The following VTCN1 variants were observed in gnomAD, a reference collection of about 807,000 sequenced individuals.
The protein encoded by VTCN1 is V-set domain-containing T-cell activation inhibitor 1.
Under a neutral mutation model 26.5 loss-of-function variants are expected in VTCN1, and 26 were observed. The observed-to-expected ratio is 0.98, with a 90% CI of 0.72 to 1.36. The LOEUF (loss-of-function observed/expected upper bound fraction) is 1.36. Ranked by LOEUF, VTCN1 falls within the 40% of genes most tolerant of loss-of-function variation. VTCN1 has a pLI of 0.00. For missense variants in VTCN1, 298 were observed against 337.7 expected, an observed-to-expected ratio of 0.88 and a Z score of 0.92; for synonymous variants, 116 against 130.7, an observed-to-expected ratio of 0.89 and a Z score of 0.77.
chr1:117,187,181 C>T (rs953915990), intron 1 of VTCN1, among the ~76,000 whole-genome samples: 9 of 151,570 alleles, frequency 5.9e-5, no homozygotes, highest in African/African-American at 1.2e-4. Context: ...TGTGGTGGTG[C>T]GCACCTGCAG....
chr1:117,201,346 G>A (rs6428689), intron 1 of VTCN1, among the ~76,000 whole-genome samples: 1,946 of 152,256 alleles, frequency 0.013, 49 homozygotes, highest in African/African-American at 0.045. Flanking sequence ...CTGGCCTGCG[G>A]GAGGGAGTCC....
At position 117,178,259 on chromosome 1, in the gene VTCN1, C is replaced by CTT. The variant is rs1194911017; in HGVS notation, c.33-8090_33-8089dup. ...TTTTTGTTCTTTCTTTCTTTTTTTT[C>CTT]TTTTTTTTTTTTTTTGAGATGGAGT... On this transcript the variant is annotated intron_variant, in intron 1 of 5. Coordinates refer to ENST00000369458, the MANE Select transcript of VTCN1 (RefSeq NM_024626.4). 3.8e-4 allele frequency among the ~76,000 whole-genome samples: 41 copies of CTT among 108,340 alleles called. 4 individuals are homozygous for CTT. Among genetic ancestry groups the CTT allele is most frequent in the African/African-American group, 8.8e-4 (25 of 28,472 alleles). The allele number at this position is 108,340 out of a possible 152,430, so 71.1% of individuals were successfully genotyped here. A position where few individuals can be genotyped will look rare whatever the true frequency, so the allele number is the denominator to read the frequency against.
At position 117,161,267 on chromosome 1, in the gene VTCN1, A is replaced by G. The variant is rs977886692; in HGVS notation, c.98-4346T>C. Among the ~76,000 whole-genome samples the G allele has an allele frequency of 1.3e-5, 2 of 152,140 alleles. No individual in the cohort carries two copies. The highest frequency in any genetic ancestry group is 4.8e-5 in the African/African-American group (2 of 41,426). ...AGGCTAGCATGGGTTACACAATTACACTATGCGCCTTCACACTGCTGTTCA... is the reference window on the plus strand; with the variant it reads ...AGGCTAGCATGGGTTACACAATTACGCTATGCGCCTTCACACTGCTGTTCA... On this transcript the variant is annotated intron_variant, in intron 2 of 5. Coordinates refer to ENST00000369458, the MANE Select transcript of VTCN1 (RefSeq NM_024626.4). The surrounding 1 kb of genome is among the most constrained non-coding windows in gnomAD (Gnocchi z 4.3).
chr1:117,153,189 T>C lies in VTCN1; in HGVS notation c.626A>G (p.Lys209Arg), dbSNP rs374879522. 4 of 1,614,200 alleles carry C rather than the reference T, an allele frequency of 2.5e-6. No homozygotes were observed. The highest frequency in any genetic ancestry group is 3.4e-6 in the Non-Finnish European group (4 of 1,180,032). The change falls in exon 4 of 6, where the codon AAG (lysine) becomes AGG (arginine). Residue 209 changes from lysine (K) to arginine (R), a missense_variant. Physicochemically the swap from Lys to Arg is conservative, Grantham distance 26. Coordinates refer to ENST00000369458, the MANE Select transcript of VTCN1 (RefSeq NM_024626.4). ...FELNSENVTM[K>R]VVSVLYNVTI... ...AACATTGTAGAGCACAGACACAACC[T>C]TCATGGTCACATTCTCAGAGTTCAG... is the stretch of plus-strand genomic sequence containing the variant.
chr1:117,185,509 G>A (rs1647891767), intron 1 of VTCN1, among the ~76,000 whole-genome samples: 1 of 151,702 alleles, frequency 6.6e-6, no homozygotes, highest in Non-Finnish European at 1.5e-5. Context: ...CTTGGCCAAG[G>A]GCATTCCAAA....
rs781001957 is a variant in VTCN1, at chr1:117,170,334, G to C, written c.33-163C>G. The C allele has an allele frequency of 5.4e-6, 4 of 744,986 alleles. No homozygotes were observed. The South Asian group carries it at 5.4e-5, about 10-fold the overall frequency. The allele number at this position is 744,986 out of a possible 1,614,324, so 46.1% of individuals were successfully genotyped here. A position where few individuals can be genotyped will look rare whatever the true frequency, so the allele number is the denominator to read the frequency against. On this transcript the variant is annotated intron_variant, in intron 1 of 5. Coordinates refer to ENST00000369458, the MANE Select transcript of VTCN1 (RefSeq NM_024626.4). Reference sequence around the variant, plus strand: ...TCCTAGAAACGGGTACCTTAGAAAGGAATTTCAGCAATTCCATCCCCATCC... The same window carrying C: ...TCCTAGAAACGGGTACCTTAGAAAGCAATTTCAGCAATTCCATCCCCATCC...
intron 2 of VTCN1, among the ~76,000 whole-genome samples, chr1:117,162,189 G>C (rs1339068270): frequency 2.0e-5 from 3 of 152,098 alleles, no homozygotes; most frequent in African/African-American, 7.2e-5. Flanking sequence ...AGAAATAAGA[G>C]CCAGTGAGAA....
chr1:117,178,630 A>C (rs1054519160), intron 1 of VTCN1, among the ~76,000 whole-genome samples: 1 of 103,540 alleles, frequency 9.7e-6, no homozygotes, highest in Non-Finnish European at 1.8e-5. Context: ...GCCCGGCTCT[A>C]TTCCCCTGAC....
intron 2 of VTCN1, among the ~76,000 whole-genome samples, chr1:117,160,908 C>T (rs1222124926): frequency 6.6e-6 from 1 of 152,080 alleles, no homozygotes; most frequent in Non-Finnish European, 1.5e-5. Flanking sequence ...GATGGATTTG[C>T]AGCAGAAAGA....
chr1:117,193,810 A>G (rs1322646759), intron 1 of VTCN1, among the ~76,000 whole-genome samples: 2 of 152,184 alleles, frequency 1.3e-5, no homozygotes, highest in Non-Finnish European at 2.9e-5. Flanking sequence ...TGGGAAAACC[A>G]GAGTCCACAT....
chr1:117,203,799 G>A, intron 1 of VTCN1: 2 of 985,308 alleles, frequency 2.0e-6, no homozygotes, highest in African/African-American at 3.5e-5. Flanking sequence ...CTAATACAGA[G>A]AATCACCTGG....
intron 2 of VTCN1, among the ~76,000 whole-genome samples, chr1:117,158,883 C>T (rs186597814): frequency 6.6e-6 from 1 of 152,120 alleles, no homozygotes; most frequent in East Asian, 1.9e-4. Flanking sequence ...CAAAGTTCCA[C>T]AAATCTCGAG....
In VTCN1 at chr1:117,210,804, G is replaced by A; in HGVS notation, c.32+20C>T. On this transcript the variant is annotated intron_variant, in intron 1 of 5. Coordinates refer to ENST00000369458, the MANE Select transcript of VTCN1 (RefSeq NM_024626.4). ...GCTGTTCCCTTCACCCATAAGGATA[G>A]AGAGAAGAGTATATACTACCTCCAG... 1.2e-6 allele frequency: 2 copies of A among 1,613,798 alleles called. No individual in the cohort carries two copies. Among genetic ancestry groups the A allele is most frequent in the Non-Finnish European group, 1.7e-6 (2 of 1,179,672 alleles).
In VTCN1 at chr1:117,175,708, G is replaced by A. The variant is rs1464508558; in HGVS notation, c.33-5537C>T. ...AAACATATACTGCAGCGGACAGGCT[G>A]TATTACTGTATCACACACCAAAAAA... On this transcript the variant is annotated intron_variant, in intron 1 of 5. Coordinates refer to ENST00000369458, the MANE Select transcript of VTCN1 (RefSeq NM_024626.4). The surrounding 1 kb of genome is among the most constrained non-coding windows in gnomAD (Gnocchi z 4.2). 1.3e-5 allele frequency among the ~76,000 whole-genome samples: 2 copies of A among 150,976 alleles called. No homozygotes were observed. The highest frequency in any genetic ancestry group is 4.9e-5 in the African/African-American group (2 of 40,942).
chr1:117,171,799 AAGTCACAC>A (rs1652931401), intron 1 of VTCN1, among the ~76,000 whole-genome samples: 1 of 152,202 alleles, frequency 6.6e-6, no homozygotes, highest in Admixed American at 6.5e-5. Context: ...ATCTTCCCTA[AAGTCACAC>A]AGTTGGCAAG....
intron 1 of VTCN1, among the ~76,000 whole-genome samples, chr1:117,172,869 A>G (rs1286348941): frequency 1.3e-5 from 2 of 152,174 alleles, no homozygotes; most frequent in African/African-American, 4.8e-5. Flanking sequence ...CGCACGGATC[A>G]GCACTCTGTA....
In VTCN1 at chr1:117,169,808, T is replaced by C. The variant is rs547415446; in HGVS notation, c.97+299A>G. On this transcript the variant is annotated intron_variant, in intron 2 of 5. Coordinates refer to ENST00000369458, the MANE Select transcript of VTCN1 (RefSeq NM_024626.4). The surrounding 1 kb of genome is among the most constrained non-coding windows in gnomAD (Gnocchi z 4.0). The stretch of plus-strand genomic sequence containing the variant: ...TACTTGGGAGGCTGAGGTGAGAGGA[T>C]GGCTTGAACCCAGGAGGTGGAGGTT... 6.6e-6 allele frequency among the ~76,000 whole-genome samples: 1 copy of C among 152,262 alleles called. No homozygotes were observed. The highest frequency in any genetic ancestry group is 2.4e-5 in the African/African-American group (1 of 41,556).
chr1:117,160,043 G>T (rs1289941176), intron 2 of VTCN1, among the ~76,000 whole-genome samples: 3 of 152,178 alleles, frequency 2.0e-5, no homozygotes, highest in Non-Finnish European at 2.9e-5. Context: ...ACCTATTGGG[G>T]TGATTTAATT....
rs1197610594 is a variant in VTCN1, at chr1:117,161,438, C to T, written c.98-4517G>A. ...GAAAAATTAGTAGATTCTCTCTTTA[C>T]TTTCCTGTAACTTTTTGTCTTTTTG... On this transcript the variant is annotated intron_variant, in intron 2 of 5. Coordinates refer to ENST00000369458, the MANE Select transcript of VTCN1 (RefSeq NM_024626.4). This position sits in a 1 kb window ranked among gnomAD's most constrained non-coding sequence, Gnocchi z 4.3. Among the ~76,000 whole-genome samples, 10 of 152,190 alleles carry T rather than the reference C, an allele frequency of 6.6e-5. No individual in the cohort carries two copies. The highest frequency in any genetic ancestry group is 6.5e-4 in the Admixed American group (10 of 15,272).
Sources: allele counts gnomAD v4.1 joint callset (sites outside exome capture counted in the v4.1 genomes callset), GRCh38; gene constraint gnomAD v4.1.1; non-coding constraint Gnocchi (gnomAD v3.1); transcripts MANE v1.5; gene names NCBI Gene and HGNC (gene_info 2026-07-23, HGNC 2026-07-21).